Variants in SLC71A1 observed in about 807,000 individuals in gnomAD.
SLC71A1 encodes hippocampus abundant gene transcript 1.
the SLC71A1 span, chr1:100,068,408 T>C: frequency 2.6e-6 from 3 of 1,142,176 alleles, no homozygotes; most frequent in East Asian, 7.0e-5. Context: ...CTCTGCGTAT[T>C]CTTAAGAATA....
At chr1:100,054,294 A>G in the SLC71A1 span, among the ~76,000 whole-genome samples, 1 of 151,856 alleles carries the variant, frequency 6.6e-6, no homozygotes, top group Non-Finnish European at 1.5e-5. Flanking sequence ...GCTCACTGCA[A>G]CCTTCGCCTC....
the SLC71A1 span, among the ~76,000 whole-genome samples, chr1:100,046,099 T>C: frequency 6.6e-6 from 1 of 151,982 alleles, no homozygotes; most frequent in Non-Finnish European, 1.5e-5. Context: ...TTCTGGGTTC[T>C]CTATTGTGCT....
chr1:100,079,173 C>T, the SLC71A1 span: 1 of 152,014 alleles, frequency 6.6e-6, no homozygotes, highest in African/African-American at 2.4e-5. Context: ...TATTCATAGA[C>T]CTTTTATGAA....
chr1:100,059,872 T>C, the SLC71A1 span: 1 of 1,598,690 alleles, frequency 6.3e-7, no homozygotes, highest in East Asian at 2.2e-5. Context: ...CATTTAATTT[T>C]TTTAGGGTTT....
chr1:100,063,265 AAAAAC>A, the SLC71A1 span, among the ~76,000 whole-genome samples: 15,572 of 151,426 alleles, frequency 0.1, 963 homozygotes, highest in African/African-American at 0.16. Context: ...TGTTCTGGCA[AAAAAC>A]AAAACAAAAC....
chr1:100,063,550 C>CT, the SLC71A1 span, among the ~76,000 whole-genome samples: 1 of 152,004 alleles, frequency 6.6e-6, no homozygotes, highest in African/African-American at 2.4e-5. Context: ...AATCCCAGCA[C>CT]TTTGGGAGGC....
the SLC71A1 span, among the ~76,000 whole-genome samples, chr1:100,042,511 G>A: frequency 6.6e-6 from 1 of 152,120 alleles, no homozygotes; most frequent in Non-Finnish European, 1.5e-5. Flanking sequence ...AGCTCTCTGG[G>A]ATGTAGGGCC....
chr1:100,070,410 G>T, the SLC71A1 span, among the ~76,000 whole-genome samples: 1 of 152,206 alleles, frequency 6.6e-6, no homozygotes, highest in Non-Finnish European at 1.5e-5. Flanking sequence ...AGAAACTGAA[G>T]TCCAAGAGGT....
chr1:100,046,342 T>G, the SLC71A1 span, among the ~76,000 whole-genome samples: 1 of 148,098 alleles, frequency 6.8e-6, no homozygotes, highest in Non-Finnish European at 1.5e-5. Context: ...TTCTCCTGCC[T>G]CAGTTTCCCG....
the SLC71A1 span, among the ~76,000 whole-genome samples, chr1:100,054,592 A>G: frequency 6.6e-6 from 1 of 152,132 alleles, no homozygotes; most frequent in Non-Finnish European, 1.5e-5. Context: ...TACACAGTCC[A>G]TGTTACGGAA....
chr1:100,060,209 C>T, the SLC71A1 span, among the ~76,000 whole-genome samples: 1 of 152,142 alleles, frequency 6.6e-6, no homozygotes, highest in African/African-American at 2.4e-5. Flanking sequence ...ATAGTTGACA[C>T]TGTTGGAGGC....
the SLC71A1 span, among the ~76,000 whole-genome samples, chr1:100,044,397 G>GT: frequency 8.1e-5 from 12 of 148,002 alleles, no homozygotes; most frequent in Non-Finnish European, 4.5e-5. Context: ...GGGATTGTTT[G>GT]TTTTTTTTCT....
At chr1:100,038,131 C>T in the SLC71A1 span, 46 of 1,051,676 alleles carry the variant, frequency 4.4e-5, no homozygotes, top group South Asian at 3.3e-4. Context: ...CGGCGGGCGC[C>T]CAGAGCGGCT....
the SLC71A1 span, chr1:100,078,613 C>A: frequency 9.1e-7 from 1 of 1,104,288 alleles, no homozygotes; most frequent in South Asian, 1.3e-5. Flanking sequence ...TGTGTTCTGT[C>A]TCCTATGTAC....
the SLC71A1 span, among the ~76,000 whole-genome samples, chr1:100,065,468 C>T: frequency 6.8e-6 from 1 of 146,530 alleles, no homozygotes; most frequent in South Asian, 2.1e-4. Flanking sequence ...CCTTTCCTTT[C>T]CTTTGCCCTT....
the SLC71A1 span, among the ~76,000 whole-genome samples, chr1:100,052,898 C>T: frequency 6.6e-6 from 1 of 152,050 alleles, no homozygotes; most frequent in Non-Finnish European, 1.5e-5. Flanking sequence ...ATTCTCCTGC[C>T]TCAGCCTCCC....
At chr1:100,054,911 T>G in the SLC71A1 span, among the ~76,000 whole-genome samples, 1 of 152,130 alleles carries the variant, frequency 6.6e-6, no homozygotes, top group Non-Finnish European at 1.5e-5. Context: ...AGAAAAAAGT[T>G]AGGTAGCAGA....
chr1:100,039,517 T>C, the SLC71A1 span, among the ~76,000 whole-genome samples: 1 of 152,376 alleles, frequency 6.6e-6, no homozygotes, highest in South Asian at 2.1e-4. Context: ...TTATATGTTA[T>C]AGCTTTGACA....
chr1:100,074,898 A>G, the SLC71A1 span, among the ~76,000 whole-genome samples: 1 of 152,188 alleles, frequency 6.6e-6, no homozygotes. Context: ...ACCCAAAAGA[A>G]AAAGAAAATA....
Sources: allele counts gnomAD v4.1 joint callset (sites outside exome capture counted in the v4.1 genomes callset), GRCh38; gene constraint gnomAD v4.1.1; transcripts MANE v1.5; gene names NCBI Gene and HGNC (gene_info 2026-07-23, HGNC 2026-07-21).